Variants in PLA1A observed in about 807,000 individuals in gnomAD.
The protein encoded by PLA1A is phospholipase A1 member A.
Under a neutral mutation model 49.4 loss-of-function variants are expected in PLA1A, and 47 were observed. The observed-to-expected ratio is 0.95, with a 90% CI of 0.75 to 1.21. The LOEUF (loss-of-function observed/expected upper bound fraction) is 1.21. Ranked by LOEUF, PLA1A falls within the 50% of genes most tolerant of loss-of-function variation. PLA1A has a pLI of 0.00. For synonymous variants in PLA1A, 224 were observed against 207.9 expected, an observed-to-expected ratio of 1.08 and a Z score of -0.67; for missense variants, 561 against 563.9, an observed-to-expected ratio of 0.99 and a Z score of 0.05.
At chr3:119,610,798 A>G (rs996774081) in intron 4 of PLA1A, among the ~76,000 whole-genome samples, 4 of 152,194 alleles carry the variant, frequency 2.6e-5, no homozygotes, top group African/African-American at 9.7e-5. Context: ...TTTGCTGTAC[A>G]GAAGGTCTTT....
At chr3:119,602,244 A>G (rs2082626747) in intron 1 of PLA1A, among the ~76,000 whole-genome samples, 1 of 152,208 alleles carries the variant, frequency 6.6e-6, no homozygotes, top group Admixed American at 6.5e-5. Flanking sequence ...AGGGATCAAT[A>G]GAATTCCTCT....
intron 8 of PLA1A, among the ~76,000 whole-genome samples, chr3:119,621,849 C>T (rs2107796985): frequency 6.6e-6 from 1 of 152,260 alleles, no homozygotes; most frequent in African/African-American, 2.4e-5. Context: ...AGACATGTTC[C>T]TGTGCAGATT....
At position 119,629,569 on chromosome 3, in the gene PLA1A, A is replaced by C. The variant is rs1372657434; in HGVS notation, c.*101A>C. On this transcript the variant is annotated 3_prime_UTR_variant, in exon 11 of 11. Transcript: ENST00000273371. ...GTGCAGCTTATTGTAGACCATTACT[A>C]CTAAGGAGAAAAGCAAAGCTCTTTC... 5 of 696,290 alleles carry C rather than the reference A, an allele frequency of 7.2e-6. No homozygotes were observed. The highest frequency in any genetic ancestry group is 1.3e-5 in the Non-Finnish European group (5 of 387,900). 43.1% of individuals were successfully genotyped at this position (696,290 alleles called of 1,614,324 possible).
At position 119,629,577 on chromosome 3, in the gene PLA1A, GA is replaced by G; in HGVS notation, c.*113del. 1 of 669,534 alleles carries G rather than the reference GA, an allele frequency of 1.5e-6. No individual in the cohort carries two copies. The highest frequency in any genetic ancestry group is 2.7e-6 in the Non-Finnish European group (1 of 372,044). The allele number at this position is 669,534 out of a possible 1,614,324, so 41.5% of individuals were successfully genotyped here. A position where few individuals can be genotyped will look rare whatever the true frequency, so the allele number is the denominator to read the frequency against. ...TATTGTAGACCATTACTACTAAGGA[GA>G]AAAGCAAAGCTCTTTCTTATTTTCC... On this transcript the variant is annotated 3_prime_UTR_variant, in exon 11 of 11. Transcript: ENST00000273371.
chr3:119,619,570 G>A lies in PLA1A; in HGVS notation c.930G>A (p.Val310=). The A allele has an allele frequency of 6.2e-7, 1 of 1,612,470 alleles. No homozygotes were observed. The highest frequency in any genetic ancestry group is 1.3e-5 in the African/African-American group (1 of 74,976). The part of the protein sequence containing the change: ...FLLSCPRIGL[V]EQGGVKIEPL... ...TTGCTTCTTTATTTCCAGGACTGGT[G>A]GAACAAGGTGGTGTCAAGATAGAGC... Residue 310 remains valine, a synonymous_variant, in exon 8 of 11, where the codon GTG becomes GTA. Transcript: ENST00000273371.
chr3:119,621,657 C>T (rs2082934677), intron 8 of PLA1A, among the ~76,000 whole-genome samples: 1 of 152,240 alleles, frequency 6.6e-6, no homozygotes, highest in African/African-American at 2.4e-5. Flanking sequence ...TTCTCCATTA[C>T]TTCACTCCAT....
At chr3:119,628,647 G>A in intron 9 of PLA1A, 54 bp from the exon 10 acceptor site, 3 of 1,550,598 alleles carry the variant, frequency 1.9e-6, no homozygotes, top group Non-Finnish European at 2.7e-6. Context: ...CAAAGGGGAA[G>A]TACAGGTGGT....
At chr3:119,606,075 C>T (rs1653332120) in intron 1 of PLA1A, among the ~76,000 whole-genome samples, 1 of 152,186 alleles carries the variant, frequency 6.6e-6, no homozygotes, top group African/African-American at 2.4e-5. Context: ...GTTCATTTGG[C>T]TGCCCAGGGT....
intron 1 of PLA1A, among the ~76,000 whole-genome samples, chr3:119,600,737 G>A (rs138894077): frequency 6.6e-6 from 1 of 152,378 alleles, no homozygotes; most frequent in East Asian, 1.9e-4. Flanking sequence ...GGGTTCCAGA[G>A]GGTGGCCCAT....
intron 7 of PLA1A, 87 bp from the exon 8 acceptor site, chr3:119,619,476 C>T (rs2082898184): frequency 1.2e-5 from 10 of 804,986 alleles, no homozygotes; most frequent in Admixed American, 1.1e-4. Context: ...TAAATGGGTG[C>T]ATGAATTAAT....
chr3:119,619,939 T>A, intron 8 of PLA1A: 1 of 454,100 alleles, frequency 2.2e-6, no homozygotes, highest in South Asian at 1.9e-5. Flanking sequence ...AGGAGTGTCC[T>A]CCGGCTGCCT....
chr3:119,627,321 C>A (rs1055775850), intron 9 of PLA1A, among the ~76,000 whole-genome samples: 1 of 152,184 alleles, frequency 6.6e-6, no homozygotes, highest in Non-Finnish European at 1.5e-5. Context: ...GGAGAATTAA[C>A]CTGGGCCAAC....
intron 9 of PLA1A, 91 bp from the exon 10 acceptor site, chr3:119,628,610 G>C: frequency 8.3e-7 from 1 of 1,200,048 alleles, no homozygotes; most frequent in Non-Finnish European, 1.2e-6. Context: ...CAGCCAACCA[G>C]TGCCACCAGC....
Sources: allele counts gnomAD v4.1 joint callset (sites outside exome capture counted in the v4.1 genomes callset), GRCh38; gene constraint gnomAD v4.1.1; transcripts MANE v1.5; gene names NCBI Gene and HGNC (gene_info 2026-07-23, HGNC 2026-07-21).